CDH12: variants seen among roughly 807,000 people sequenced by gnomAD.
The protein encoded by CDH12 is cadherin-12.
CDH12 carries 41 observed loss-of-function variants against 74.1 expected under a neutral mutation model. That is an observed-to-expected ratio of 0.55 (90% CI 0.43 to 0.72). The LOEUF (loss-of-function observed/expected upper bound fraction) is 0.72, where lower values mean the gene tolerates loss of function less well. Among genes scored for constraint, CDH12 ranks in the 30% least tolerant of loss-of-function variants. The pLI is 0.00. For synonymous variants in CDH12, 399 were observed against 355.0 expected (o/e 1.12, Z -1.39); for missense variants, 945 against 977.2 (o/e 0.97, Z 0.44).
chr5:22,712,955 A>G (rs931086569), intron 1 of CDH12, among the ~76,000 whole-genome samples: 1 of 152,092 alleles, frequency 6.6e-6, no homozygotes, highest in Non-Finnish European at 1.5e-5. Flanking sequence ...ATTAAATAAT[A>G]TAATCAGCAA....
rs1250925000 is a variant in CDH12 at position 22,270,643 on chromosome 5, A to C, written c.-332-58000T>G. ...TATGTATACACACACACACACATCT[A>C]TATATATAATTTTATTTCAATTTTA... On this transcript the variant is annotated intron_variant, in intron 3 of 14. Coordinates refer to ENST00000382254, the MANE Select transcript of CDH12 (RefSeq NM_004061.5). Among the ~76,000 whole-genome samples the C allele has an allele frequency of 2.0e-5, 3 of 151,312 alleles. No homozygotes were observed. The East Asian group carries it at 5.8e-4, about 29-fold the overall frequency.
chr5:22,464,954 A>G (rs564640825), intron 2 of CDH12, among the ~76,000 whole-genome samples: 1 of 147,098 alleles, frequency 6.8e-6, no homozygotes, highest in African/African-American at 2.5e-5. Context: ...GTGAGCCGAG[A>G]TTGCACCAGA....
intron 6 of CDH12, among the ~76,000 whole-genome samples, chr5:21,944,386 AC>A (rs1177324692): frequency 1.3e-5 from 2 of 152,202 alleles, no homozygotes; most frequent in Non-Finnish European, 2.9e-5. Context: ...CATTAGGATT[AC>A]ATACTGGTAC....
intron 1 of CDH12, among the ~76,000 whole-genome samples, chr5:22,705,162 C>CACACAG (rs1742933890): frequency 2.1e-5 from 3 of 144,382 alleles, no homozygotes; most frequent in African/African-American, 7.7e-5. Flanking sequence ...CACACACACA[C>CACACAG]AGTGTAGAGA....
intron 1 of CDH12, among the ~76,000 whole-genome samples, chr5:22,809,551 C>T (rs1227766350): frequency 6.6e-6 from 1 of 151,294 alleles, no homozygotes; most frequent in Non-Finnish European, 1.5e-5. Flanking sequence ...TAAATAAAGT[C>T]AAATATGGGC....
intron 4 of CDH12, among the ~76,000 whole-genome samples, chr5:22,122,116 A>G (rs1000897912): frequency 6.6e-6 from 1 of 151,928 alleles, no homozygotes; most frequent in Non-Finnish European, 1.5e-5. Flanking sequence ...ATTAAAACTC[A>G]TTTCTGCTGG....
At chr5:21,901,738 T>G (rs1232432603) in intron 6 of CDH12, among the ~76,000 whole-genome samples, 1 of 152,088 alleles carries the variant, frequency 6.6e-6, no homozygotes, top group Non-Finnish European at 1.5e-5. Context: ...AGCAACCAGG[T>G]GTTCTCCCTC....
intron 1 of CDH12, among the ~76,000 whole-genome samples, chr5:22,801,386 T>G (rs996397546): frequency 6.6e-6 from 1 of 152,094 alleles, no homozygotes; most frequent in African/African-American, 2.4e-5. Context: ...TGGGACGCCT[T>G]GAAAGAGATT....
intron 5 of CDH12, 140 bp downstream of exon 5, chr5:22,078,306 G>T: frequency 2.9e-6 from 2 of 688,240 alleles, no homozygotes; most frequent in Non-Finnish European, 2.5e-6. Context: ...GAGTCAGGAA[G>T]ATAAACCAGG....
At chr5:22,256,486 A>G (rs1040157537) in intron 3 of CDH12, among the ~76,000 whole-genome samples, 10 of 152,320 alleles carry the variant, frequency 6.6e-5, no homozygotes, top group African/African-American at 2.4e-4. Flanking sequence ...AAGCAACTGT[A>G]TAACTGGTTT....
chr5:22,574,999 A>G (rs942800617), intron 1 of CDH12, among the ~76,000 whole-genome samples: 2 of 152,040 alleles, frequency 1.3e-5, no homozygotes, highest in African/African-American at 4.8e-5. Context: ...ATTAAACTTA[A>G]ATTTTGGTTT....
intron 1 of CDH12, among the ~76,000 whole-genome samples, chr5:22,820,923 C>G (rs909938350): frequency 1.1e-4 from 16 of 152,112 alleles, no homozygotes; most frequent in African/African-American, 3.9e-4. Flanking sequence ...CTGGCAGAGA[C>G]ACAACCAAAA....
intron 1 of CDH12, among the ~76,000 whole-genome samples, chr5:22,637,112 A>G (rs1215217836): frequency 6.6e-6 from 1 of 152,248 alleles, no homozygotes; most frequent in Non-Finnish European, 1.5e-5. Flanking sequence ...GAAATCATAC[A>G]TTCATTAATA....
intron 1 of CDH12, among the ~76,000 whole-genome samples, chr5:22,713,365 T>C (rs1289330672): frequency 6.6e-6 from 1 of 151,666 alleles, no homozygotes; most frequent in Non-Finnish European, 1.5e-5. Flanking sequence ...ATGGTCTCAA[T>C]CTCTTGACCT....
chr5:21,957,290 C>A (rs1365977155), intron 6 of CDH12, among the ~76,000 whole-genome samples: 5 of 152,042 alleles, frequency 3.3e-5, no homozygotes, highest in Non-Finnish European at 7.4e-5. Flanking sequence ...GTCTATATAC[C>A]ACATTTTCTT....
At position 22,764,932 on chromosome 5, in the gene CDH12, A is replaced by T. The variant is rs189509225; in HGVS notation, c.-523+88126T>A. Among the ~76,000 whole-genome samples, 76 of 152,074 alleles carry T rather than the reference A, an allele frequency of 5.0e-4. No individual in the cohort carries two copies. In the East Asian group the frequency reaches 7.7e-3, roughly 15 times the overall value. On this transcript the variant is annotated intron_variant, in intron 1 of 14. Transcript: ENST00000382254. Reference sequence around the variant, plus strand: ...GACGACGGAATGCATTGAGTCCCAGAAGGAGGGATTAGCATATACTGTGTT... The same window carrying T: ...GACGACGGAATGCATTGAGTCCCAGTAGGAGGGATTAGCATATACTGTGTT...
intron 2 of CDH12, among the ~76,000 whole-genome samples, chr5:22,422,056 G>A (rs984355564): frequency 6.6e-6 from 1 of 151,954 alleles, no homozygotes; most frequent in Non-Finnish European, 1.5e-5. Flanking sequence ...ATTTCTCTTT[G>A]AATTCTCTTT....
At chr5:22,345,891 G>A (rs1740087553) in intron 3 of CDH12, among the ~76,000 whole-genome samples, 1 of 152,064 alleles carries the variant, frequency 6.6e-6, no homozygotes, top group Admixed American at 6.5e-5. Flanking sequence ...ATCGCCTGAG[G>A]TCAGGAGTTC....
intron 2 of CDH12, among the ~76,000 whole-genome samples, chr5:22,478,404 C>A (rs535384437): frequency 1.8e-5 from 2 of 108,320 alleles, no homozygotes; most frequent in African/African-American, 3.8e-5. Flanking sequence ...GGCGACAGAG[C>A]GAGACTCCGT....
Sources: gnomAD v4.1 joint callset for allele counts (sites outside exome capture counted in the v4.1 genomes callset) on GRCh38, gnomAD v4.1.1 for gene constraint, MANE v1.5 for transcripts, NCBI Gene and HGNC (gene_info 2026-07-23, HGNC 2026-07-21) for gene names.